Variants in MBD5 observed in about 807,000 individuals in gnomAD.
MBD5 encodes methyl-CpG binding domain protein 5.
MBD5 carries 13 observed loss-of-function variants against 117.3 expected under a neutral mutation model. That is an observed-to-expected ratio of 0.11 (90% CI 0.07 to 0.18). The LOEUF (loss-of-function observed/expected upper bound fraction) is 0.18, where lower values mean the gene tolerates loss of function less well. Ranked by LOEUF, MBD5 falls within the 10% of genes least tolerant of loss-of-function variation. The pLI, the probability that MBD5 is intolerant of heterozygous loss-of-function variation, is 1.00. For missense variants in MBD5, 1,879 were observed against 2,093.8 expected, an observed-to-expected ratio of 0.90 and a Z score of 2.00; for synonymous variants, 727 against 766.4, an observed-to-expected ratio of 0.95 and a Z score of 0.85.
intron 1 of MBD5, among the ~76,000 whole-genome samples, chr2:148,102,763 A>AG (rs1558926614): frequency 0.084 from 2,990 of 35,460 alleles, 65 homozygotes; most frequent in African/African-American, 0.12. Flanking sequence ...GAGAGAGAGG[A>AG]AGAGAGAGAG....
chr2:148,152,235 T>C (rs1574071566), intron 1 of MBD5, among the ~76,000 whole-genome samples: 1 of 152,216 alleles, frequency 6.6e-6, no homozygotes, highest in African/African-American at 2.4e-5. Context: ...TCAGCTTCCA[T>C]GTAGTTGAGT....
At chr2:148,094,055 C>T (rs1433832636) in intron 1 of MBD5, among the ~76,000 whole-genome samples, 3 of 152,144 alleles carry the variant, frequency 2.0e-5, no homozygotes. Flanking sequence ...GAGACATGCC[C>T]ATGATCACAT....
chr2:148,113,966 T>C (rs1370669078), intron 1 of MBD5, among the ~76,000 whole-genome samples: 1 of 152,170 alleles, frequency 6.6e-6, no homozygotes, highest in Non-Finnish European at 1.5e-5. Flanking sequence ...TGTGAACATC[T>C]TTCTAGGTCA....
chr2:148,041,100 C>G (rs1234420), intron 1 of MBD5: 20,672 of 152,346 alleles, frequency 0.14, 1,703 homozygotes, highest in Middle Eastern at 0.21. Context: ...ACTAAAGGCT[C>G]ATGCCACCAT....
intron 3 of MBD5, among the ~76,000 whole-genome samples, chr2:148,258,419 A>G (rs1700643355): frequency 1.3e-5 from 2 of 152,144 alleles, no homozygotes; most frequent in African/African-American, 2.4e-5. Flanking sequence ...GAAGGCTGCA[A>G]TCTGCACCGG....
chr2:148,110,333 G>GT (rs1321747580), intron 1 of MBD5, among the ~76,000 whole-genome samples: 3 of 152,130 alleles, frequency 2.0e-5, no homozygotes, highest in Admixed American at 6.6e-5. Flanking sequence ...TTCTAAAACT[G>GT]TTTTGTGATT....
At chr2:148,097,643 G>A (rs138130687) in intron 1 of MBD5, among the ~76,000 whole-genome samples, 1 of 152,312 alleles carries the variant, frequency 6.6e-6, no homozygotes, top group African/African-American at 2.4e-5. Context: ...TAAGTGGTTT[G>A]TAAATCAGCT....
chr2:148,322,574 A>G (rs1182765793), intron 3 of MBD5, among the ~76,000 whole-genome samples: 2 of 152,202 alleles, frequency 1.3e-5, no homozygotes, highest in South Asian at 2.1e-4. Context: ...GAGACAACAC[A>G]CAAGACTTAC....
intron 4 of MBD5, among the ~76,000 whole-genome samples, chr2:148,359,422 C>T (rs751081048): frequency 3.9e-5 from 6 of 151,904 alleles, no homozygotes; most frequent in East Asian, 3.9e-4. Context: ...ATTTTTAAAC[C>T]GCTTCTAGAA....
At chr2:148,320,805 A>G (rs1321897457) in intron 3 of MBD5, among the ~76,000 whole-genome samples, 1 of 152,148 alleles carries the variant, frequency 6.6e-6, no homozygotes, top group Non-Finnish European at 1.5e-5. Context: ...GTTGTTCATA[A>G]TAGTTTGATA....
At chr2:148,033,365 A>G (rs116652170) in intron 1 of MBD5, among the ~76,000 whole-genome samples, 2,900 of 152,286 alleles carry the variant, frequency 0.019, 87 homozygotes, top group African/African-American at 0.066. Flanking sequence ...TTAGCTTTGA[A>G]TATCTTAGTG....
At chr2:148,217,847 AC>A (rs2106049974) in intron 2 of MBD5, among the ~76,000 whole-genome samples, 1 of 152,044 alleles carries the variant, frequency 6.6e-6, no homozygotes, top group Non-Finnish European at 1.5e-5. Context: ...TATAATCTCC[AC>A]CCTCACGGAG....
In MBD5 at chr2:148,193,046, T is replaced by A. The variant is rs1698877781; in HGVS notation, c.-831+14253T>A. 1.8e-5 allele frequency among the ~76,000 whole-genome samples: 2 copies of A among 111,834 alleles called. 1 individual carries two copies. The highest frequency in any genetic ancestry group is 6.4e-5 in the African/African-American group (2 of 31,328). 73.4% of individuals were successfully genotyped at this position (111,834 alleles called of 152,430 possible). On this transcript the variant is annotated intron_variant, in intron 2 of 13. Coordinates refer to ENST00000642680, the MANE Select transcript of MBD5 (RefSeq NM_001378120.1). The stretch of plus-strand genomic sequence containing the variant: ...AGAATAAAATACCTAGGAGTCCAAC[T>A]TACAAGGGACATGAAGGACCTCTTC...
chr2:148,088,865 T>C (rs771398475), intron 1 of MBD5, among the ~76,000 whole-genome samples: 2 of 152,076 alleles, frequency 1.3e-5, no homozygotes, highest in African/African-American at 2.4e-5. Flanking sequence ...CATACTAACA[T>C]TGAATGCAAA....
intron 3 of MBD5, among the ~76,000 whole-genome samples, chr2:148,326,641 A>C (rs948188777): frequency 2.6e-5 from 4 of 151,984 alleles, no homozygotes; most frequent in South Asian, 2.1e-4. Context: ...CTGTTTTATC[A>C]GAGACTAGGA....
At chr2:148,217,136 A>G (rs887546492) in intron 2 of MBD5, among the ~76,000 whole-genome samples, 1 of 152,182 alleles carries the variant, frequency 6.6e-6, no homozygotes, top group Non-Finnish European at 1.5e-5. Flanking sequence ...ACTAGGGTGG[A>G]CACAGTGTTT....
intron 1 of MBD5, among the ~76,000 whole-genome samples, chr2:148,122,773 C>T (rs547909670): frequency 5.3e-5 from 8 of 152,160 alleles, no homozygotes; most frequent in South Asian, 2.1e-4. Flanking sequence ...AGTGAATAAG[C>T]GAATAATTAT....
intron 2 of MBD5, among the ~76,000 whole-genome samples, chr2:148,231,280 CT>C (rs1699980685): frequency 6.6e-6 from 1 of 152,082 alleles, no homozygotes; most frequent in Admixed American, 6.5e-5. Flanking sequence ...TAAAATGCTC[CT>C]TTTTTGGGTG....
At chr2:148,314,606 G>T (rs1476668386) in intron 3 of MBD5, among the ~76,000 whole-genome samples, 1 of 151,782 alleles carries the variant, frequency 6.6e-6, no homozygotes, top group East Asian at 1.9e-4. Context: ...TCTAACTCCT[G>T]GCCTCAGGTG....
Sources: gnomAD v4.1 joint callset for allele counts (sites outside exome capture counted in the v4.1 genomes callset) on GRCh38, gnomAD v4.1.1 for gene constraint, MANE v1.5 for transcripts, NCBI Gene and HGNC (gene_info 2026-07-23, HGNC 2026-07-21) for gene names.